CACNA1D: variants seen among roughly 807,000 people sequenced by gnomAD.
The protein encoded by CACNA1D is voltage-dependent L-type calcium channel subunit alpha-1D.
CACNA1D carries 55 observed loss-of-function variants against 257.1 expected under a neutral mutation model. The ratio of observed to expected loss-of-function variants is 0.21; its 90% CI spans 0.17 to 0.27. CACNA1D has a LOEUF of 0.27. Ranked by LOEUF, CACNA1D falls within the 10% of genes least tolerant of loss-of-function variation. The pLI, the probability that CACNA1D is intolerant of heterozygous loss-of-function variation, is 1.00. For synonymous variants in CACNA1D, 980 were observed against 1,014.9 expected, an observed-to-expected ratio of 0.97 and a Z score of 0.65; for missense variants, 1,876 against 2,784.0, an observed-to-expected ratio of 0.67 and a Z score of 7.34.
intron 3 of CACNA1D, among the ~76,000 whole-genome samples, chr3:53,609,725 C>T (rs966540113): frequency 6.6e-6 from 1 of 152,054 alleles, no homozygotes; most frequent in African/African-American, 2.4e-5. Flanking sequence ...TTTTTCTTCC[C>T]TTGATTTTTC....
chr3:53,724,068 C>T (rs1576465501), intron 14 of CACNA1D, 69 bp downstream of exon 14: 5 of 1,216,640 alleles, frequency 4.1e-6, no homozygotes, highest in Non-Finnish European at 6.1e-6. Flanking sequence ...GCCTTCTTGT[C>T]TGCTCACACT....
chr3:53,609,132 C>T (rs748340384), intron 3 of CACNA1D, among the ~76,000 whole-genome samples: 16 of 152,098 alleles, frequency 1.1e-4, no homozygotes, highest in Admixed American at 8.5e-4. Flanking sequence ...GTTATTAGGC[C>T]GGGCGCTGTG....
intron 47 of CACNA1D, 159 bp downstream of exon 47, chr3:53,810,457 G>A: frequency 2.7e-6 from 2 of 740,294 alleles, no homozygotes; most frequent in Non-Finnish European, 4.8e-6. Context: ...TGAAGCATGA[G>A]TAAAAACTGG....
intron 5 of CACNA1D, among the ~76,000 whole-genome samples, chr3:53,662,701 A>T (rs2094216673): frequency 6.6e-6 from 1 of 152,222 alleles, no homozygotes; most frequent in South Asian, 2.1e-4. Context: ...ATCCACTGAG[A>T]TCTACCGTAC....
rs1323083055 is a variant in CACNA1D at position 53,546,493 on chromosome 3, G to C, written c.483+44773G>C. ...TTATTTTAGAGTAGCTTTTGGCTTA[G>C]GGTTCTGGTGACCAACTGGTCACAA... On this transcript the variant is annotated intron_variant, in intron 3 of 47. Transcript: ENST00000350061. Among the ~76,000 whole-genome samples, 4 of 152,152 alleles carry C rather than the reference G, an allele frequency of 2.6e-5. No individual in the cohort carries two copies. In the East Asian group the frequency reaches 7.7e-4, roughly 29 times the overall value.
chr3:53,786,774 G>A, intron 39 of CACNA1D, 48 bp from the exon 40 acceptor site: 1 of 1,324,174 alleles, frequency 7.6e-7, no homozygotes, highest in Non-Finnish European at 1.0e-6. Flanking sequence ...TTAGGCTCTT[G>A]GTCTAATGTG....
chr3:53,541,697 G>T (rs565990277), intron 3 of CACNA1D, among the ~76,000 whole-genome samples: 1 of 152,064 alleles, frequency 6.6e-6, no homozygotes, highest in Non-Finnish European at 1.5e-5. Flanking sequence ...CAGATGTTTC[G>T]TGAGCACCTG....
intron 3 of CACNA1D, among the ~76,000 whole-genome samples, chr3:53,603,414 T>C (rs576586252): frequency 6.6e-6 from 1 of 152,322 alleles, no homozygotes; most frequent in South Asian, 2.1e-4. Flanking sequence ...TTCTCATCTG[T>C]AAAATGAGAC....
At chr3:53,602,565 C>T (rs2093457478) in intron 3 of CACNA1D, among the ~76,000 whole-genome samples, 1 of 152,192 alleles carries the variant, frequency 6.6e-6, no homozygotes, top group African/African-American at 2.4e-5. Context: ...AATTTATATG[C>T]CCACTAACAG....
intron 15 of CACNA1D, among the ~76,000 whole-genome samples, chr3:53,727,297 C>T (rs1218489007): frequency 6.6e-6 from 1 of 152,206 alleles, no homozygotes; most frequent in Non-Finnish European, 1.5e-5. Flanking sequence ...CATCATGTCT[C>T]CTGTACAGGT....
chr3:53,710,387 A>G (rs1032793149), intron 9 of CACNA1D: 12 of 456,454 alleles, frequency 2.6e-5, no homozygotes, highest in Middle Eastern at 3.2e-4. Flanking sequence ...CCTGTGTTCA[A>G]CCTGAAGGGG....
chr3:53,704,345 T>G (rs538265485), intron 9 of CACNA1D, among the ~76,000 whole-genome samples: 14 of 152,168 alleles, frequency 9.2e-5, no homozygotes, highest in African/African-American at 3.4e-4. Flanking sequence ...GGGTCAGGCC[T>G]CTCTTCTCTC....
At position 53,691,251 on chromosome 3, in the gene CACNA1D, T is replaced by C. The variant is rs9858883; in HGVS notation, c.1221-11390T>C. Among the ~76,000 whole-genome samples the C allele has an allele frequency of 5.2e-3, 797 of 152,004 alleles. 9 individuals are homozygous for C. Among genetic ancestry groups the C allele is most frequent in the African/African-American group, 0.018 (755 of 41,426 alleles). On this transcript the variant is annotated intron_variant, in intron 8 of 47. Coordinates refer to ENST00000350061, the MANE Select transcript of CACNA1D (RefSeq NM_001128840.3). ...GCCTCCTGGGTTCAAGAGATTCTCC[T>C]GCCTCAGCCTCCCAAGTAGTTGGGA...
chr3:53,548,504 A>G (rs542446568), intron 3 of CACNA1D, among the ~76,000 whole-genome samples: 1 of 152,204 alleles, frequency 6.6e-6, no homozygotes, highest in East Asian at 1.9e-4. Context: ...CACTGTTAGG[A>G]ACATCCAAGA....
chr3:53,534,916 C>T (rs536864761), intron 3 of CACNA1D, among the ~76,000 whole-genome samples: 12 of 152,312 alleles, frequency 7.9e-5, no homozygotes, highest in African/African-American at 2.9e-4. Flanking sequence ...CATCAGTTCT[C>T]TTTCTCCTTG....
chr3:53,527,803 T>C (rs963493947), intron 3 of CACNA1D, among the ~76,000 whole-genome samples: 1 of 152,226 alleles, frequency 6.6e-6, no homozygotes, highest in African/African-American at 2.4e-5. Flanking sequence ...TGTTAGAGTA[T>C]TATTAGTATT....
intron 30 of CACNA1D, among the ~76,000 whole-genome samples, chr3:53,764,423 C>T (rs572199779): frequency 6.6e-5 from 10 of 152,326 alleles, no homozygotes; most frequent in African/African-American, 2.4e-4. Flanking sequence ...AGCGAAAATA[C>T]AATAAACCAG....
chr3:53,810,809 A>G (rs937905445), intron 47 of CACNA1D, among the ~76,000 whole-genome samples: 13 of 150,218 alleles, frequency 8.7e-5, no homozygotes, highest in Non-Finnish European at 1.3e-4. Flanking sequence ...ACCACCGTCA[A>G]TTCTCATAAA....
At chr3:53,700,860 C>CCTTT (rs1474423918) in intron 8 of CACNA1D, among the ~76,000 whole-genome samples, 2 of 129,262 alleles carry the variant, frequency 1.5e-5, no homozygotes, top group Non-Finnish European at 3.3e-5. Context: ...TTTTTTTTTT[C>CCTTT]CTTTCTTTCT....
Sources: allele counts gnomAD v4.1 joint callset (sites outside exome capture counted in the v4.1 genomes callset), GRCh38; gene constraint gnomAD v4.1.1; transcripts MANE v1.5; gene names NCBI Gene and HGNC (gene_info 2026-07-23, HGNC 2026-07-21).